Variants in CSMD1 observed in about 807,000 individuals in gnomAD.
CSMD1 encodes CUB and Sushi multiple domains 1.
In CSMD1, 213 loss-of-function variants were observed where a neutral mutation model predicts 417.5. That is an observed-to-expected ratio of 0.51 (90% CI 0.46 to 0.57). The LOEUF (loss-of-function observed/expected upper bound fraction) is 0.57, where lower values mean the gene tolerates loss of function less well. CSMD1 is among the 20% of genes least tolerant of loss of function. The pLI is 0.00. For missense variants in CSMD1, 6,923 were observed against 4,529.7 expected (o/e 1.53, Z -15.17); for synonymous variants, 2,862 against 1,736.8 (o/e 1.65, Z -16.11).
intron 3 of CSMD1, among the ~76,000 whole-genome samples, chr8:4,380,543 A>C (rs1243980744): frequency 6.6e-6 from 1 of 152,218 alleles, no homozygotes; most frequent in Non-Finnish European, 1.5e-5. Flanking sequence ...TGACGACTAA[A>C]TGCCACATGA....
intron 1 of CSMD1, among the ~76,000 whole-genome samples, chr8:4,889,241 C>T (rs1488428162): frequency 6.6e-6 from 1 of 152,074 alleles, no homozygotes; most frequent in African/African-American, 2.4e-5. Context: ...TCTGAAAACA[C>T]AAAATTAGTT....
At chr8:3,821,370 C>G (rs78155933) in intron 5 of CSMD1, among the ~76,000 whole-genome samples, 9,197 of 152,236 alleles carry the variant, frequency 0.06, 598 homozygotes, top group African/African-American at 0.16. Context: ...AGACTGGCAG[C>G]GCAGGTTTGC....
At chr8:3,016,354 A>G (rs1319606707) in intron 52 of CSMD1, among the ~76,000 whole-genome samples, 1 of 151,878 alleles carries the variant, frequency 6.6e-6, no homozygotes, top group East Asian at 1.9e-4. Context: ...CTACCTTTTT[A>G]CTCACTCATC....
rs1798339582 is a variant in CSMD1, at chr8:3,223,752, A to T, written c.4461T>A (p.Phe1487Leu). Residue 1487 changes from phenylalanine (F) to leucine (L), a missense_variant, in exon 28 of 70, where the codon TTT (phenylalanine) becomes TTA (leucine). Physicochemically the swap from Phe to Leu is conservative, Grantham distance 22 (BLOSUM62 0). Transcript: ENST00000635120. ...CDWRVKVNPD[F>L]VIALIFKSFN... The stretch of plus-strand genomic sequence containing the variant: ...ACCTTTTGAATATCAAGGCGATGAC[A>T]AAGTCCGGGTTCACTTTTACTCTCC... The T allele has an allele frequency of 6.2e-7, 1 of 1,613,936 alleles. No individual in the cohort carries two copies. The highest frequency in any genetic ancestry group is 8.5e-7 in the Non-Finnish European group (1 of 1,179,820).
chr8:3,603,368 A>T (rs1207374037), intron 8 of CSMD1, among the ~76,000 whole-genome samples: 1 of 152,126 alleles, frequency 6.6e-6, no homozygotes, highest in Non-Finnish European at 1.5e-5. Flanking sequence ...ATGGCAGGGG[A>T]CTTAGGCGCG....
At chr8:3,964,551 A>C (rs1812546830) in intron 5 of CSMD1, among the ~76,000 whole-genome samples, 1 of 152,196 alleles carries the variant, frequency 6.6e-6, no homozygotes, top group Non-Finnish European at 1.5e-5. Flanking sequence ...CCAGGAAATA[A>C]ATACACTGGA....
At chr8:3,170,459 C>G (rs182820511) in intron 37 of CSMD1, among the ~76,000 whole-genome samples, 8 of 152,208 alleles carry the variant, frequency 5.3e-5, no homozygotes, top group African/African-American at 1.9e-4. Flanking sequence ...CCGCCCGCCT[C>G]GGCCTCCCAA....
intron 5 of CSMD1, among the ~76,000 whole-genome samples, chr8:3,791,596 G>A (rs1055764193): frequency 1.3e-5 from 2 of 152,146 alleles, no homozygotes; most frequent in African/African-American, 4.8e-5. Flanking sequence ...GGCCTAGGAG[G>A]GTTGATCACA....
At chr8:4,489,453 T>C (rs1218836980) in intron 2 of CSMD1, among the ~76,000 whole-genome samples, 2 of 152,170 alleles carry the variant, frequency 1.3e-5, no homozygotes, top group African/African-American at 4.8e-5. Flanking sequence ...TCAAAAACTA[T>C]AAAATGGGTG....
intron 2 of CSMD1, among the ~76,000 whole-genome samples, chr8:4,574,979 A>T (rs1799071575): frequency 6.6e-6 from 1 of 152,236 alleles, no homozygotes; most frequent in South Asian, 2.1e-4. Flanking sequence ...TTCAGGTGAA[A>T]TTCGGTTTTA....
chr8:4,211,444 T>G (rs1800304856), intron 3 of CSMD1, among the ~76,000 whole-genome samples: 1 of 152,258 alleles, frequency 6.6e-6, no homozygotes, highest in African/African-American at 2.4e-5. Context: ...ATATAGCAGT[T>G]TACGCATGAC....
intron 2 of CSMD1, among the ~76,000 whole-genome samples, chr8:4,636,529 G>T (rs1200901169): frequency 3.3e-5 from 5 of 152,038 alleles, no homozygotes; most frequent in South Asian, 2.1e-4. Flanking sequence ...GGTTCATTTT[G>T]TTCTGATTAG....
intron 10 of CSMD1, among the ~76,000 whole-genome samples, chr8:3,547,486 C>G (rs978023724): frequency 1.3e-5 from 2 of 152,178 alleles, no homozygotes; most frequent in African/African-American, 4.8e-5. Context: ...TGTTTTCCAA[C>G]TTCTGAGCAT....
chr8:3,107,830 TGC>T, intron 44 of CSMD1, 32 bp from the exon 45 acceptor site: 1 of 1,369,526 alleles, frequency 7.3e-7, no homozygotes, highest in Non-Finnish European at 1.0e-6. Context: ...TAATAATAAT[TGC>T]AATTACACTT....
At chr8:4,155,393 C>G (rs1401663169) in intron 3 of CSMD1, among the ~76,000 whole-genome samples, 3 of 152,168 alleles carry the variant, frequency 2.0e-5, no homozygotes, top group East Asian at 3.9e-4. Context: ...AGATCACATT[C>G]CTTTTACTTT....
At chr8:3,342,899 ATGTGTG>A (rs57528661) in intron 23 of CSMD1, among the ~76,000 whole-genome samples, 2 of 142,884 alleles carry the variant, frequency 1.4e-5, no homozygotes, top group African/African-American at 4.9e-5. Flanking sequence ...ATATGTGTGT[ATGTGTG>A]TGTGTGTGTG....
At chr8:3,475,351 T>A (rs1324123765) in intron 11 of CSMD1, among the ~76,000 whole-genome samples, 2 of 152,310 alleles carry the variant, frequency 1.3e-5, no homozygotes, top group South Asian at 2.1e-4. Flanking sequence ...ATAAACATTT[T>A]TAAAATAAAT....
intron 50 of CSMD1, among the ~76,000 whole-genome samples, chr8:3,051,407 C>T (rs143417495): frequency 0.016 from 2,426 of 152,214 alleles, 24 homozygotes; most frequent in East Asian, 0.032. Flanking sequence ...TCCACACAGA[C>T]ATAAAGAAGG....
intron 1 of CSMD1, among the ~76,000 whole-genome samples, chr8:4,945,406 T>C (rs1432276648): frequency 6.6e-6 from 1 of 152,128 alleles, no homozygotes; most frequent in African/African-American, 2.4e-5. Flanking sequence ...AAATTTCATA[T>C]TATGTATATT....
Sources: gnomAD v4.1 joint callset for allele counts (sites outside exome capture counted in the v4.1 genomes callset) on GRCh38, gnomAD v4.1.1 for gene constraint, MANE v1.5 for transcripts, NCBI Gene and HGNC (gene_info 2026-07-23, HGNC 2026-07-21) for gene names.